Variants in PRKCB observed in about 807,000 individuals in gnomAD.
PRKCB encodes the protein protein kinase C beta.
In PRKCB, 13 loss-of-function variants were observed where a neutral mutation model predicts 81.5. That is an observed-to-expected ratio of 0.16 (90% CI 0.10 to 0.25). The LOEUF is 0.25. PRKCB is among the 10% of genes least tolerant of loss of function. The pLI, the probability that PRKCB is intolerant of heterozygous loss-of-function variation, is 1.00. For synonymous variants in PRKCB, 335 were observed against 321.4 expected (o/e 1.04, Z -0.45); for missense variants, 509 against 875.7 (o/e 0.58, Z 5.29).
chr16:23,947,584 C>T (rs1964219536), intron 2 of PRKCB, among the ~76,000 whole-genome samples: 1 of 152,178 alleles, frequency 6.6e-6, no homozygotes, highest in Non-Finnish European at 1.5e-5. Context: ...CCTGCCAGGC[C>T]ATAAGCAGTA....
intron 16 of PRKCB, among the ~76,000 whole-genome samples, chr16:24,213,439 T>A (rs1185926031): frequency 3.3e-5 from 5 of 152,124 alleles, no homozygotes; most frequent in Non-Finnish European, 5.9e-5. Flanking sequence ...AATTACATAG[T>A]CTCCGTGGTC....
At chr16:24,182,519 T>C (rs1472547320) in intron 13 of PRKCB, among the ~76,000 whole-genome samples, 1 of 152,050 alleles carries the variant, frequency 6.6e-6, no homozygotes, top group African/African-American at 2.4e-5. Flanking sequence ...AGACTCTGTC[T>C]CAAAAAAAGA....
At chr16:24,185,323 A>G in intron 14 of PRKCB, 132 bp downstream of exon 14, 2 of 1,199,042 alleles carry the variant, frequency 1.7e-6, no homozygotes, top group South Asian at 1.4e-5. Context: ...TTGGGGTCAT[A>G]CAAGTCTGTG....
chr16:24,190,040 C>G (rs198144), intron 15 of PRKCB, among the ~76,000 whole-genome samples: 8,954 of 152,168 alleles, frequency 0.059, 259 homozygotes, highest in Middle Eastern at 0.082. Context: ...CAAGAGGAAG[C>G]CTGTCTGGTT....
In PRKCB at chr16:23,940,153, A is replaced by T. The variant is rs572601805; in HGVS notation, c.206-48355A>T. ...CAAATTAAAAGCACAATGAGATATC[A>T]CTACAGATCAAAATGTCAAAAATGA... On this transcript the variant is annotated intron_variant, in intron 2 of 16. Transcript: ENST00000643927. Among the ~76,000 whole-genome samples, 22 of 152,340 alleles carry T rather than the reference A, an allele frequency of 1.4e-4. 1 individual carries two copies. The South Asian group carries it at 4.3e-3, about 30-fold the overall frequency.
intron 5 of PRKCB, among the ~76,000 whole-genome samples, chr16:24,054,650 G>A (rs1965882813): frequency 6.6e-6 from 1 of 152,158 alleles, no homozygotes; most frequent in South Asian, 2.1e-4. Flanking sequence ...CAAACAAAAT[G>A]AGAACTATTC....
At chr16:24,044,129 TG>T (rs1286958228) in intron 5 of PRKCB, among the ~76,000 whole-genome samples, 3 of 151,712 alleles carry the variant, frequency 2.0e-5, no homozygotes, top group Admixed American at 6.6e-5. Context: ...CTGAGGAGGG[TG>T]GATCACTTGA....
At chr16:24,094,916 G>A (rs189052590) in intron 7 of PRKCB, among the ~76,000 whole-genome samples, 3 of 151,958 alleles carry the variant, frequency 2.0e-5, no homozygotes, top group African/African-American at 7.2e-5. Flanking sequence ...CGGAAAGCAG[G>A]AAGGAAGGAA....
rs546477381 is a variant in PRKCB, at chr16:24,060,855, A to G, written c.529+25308A>G. 3.3e-5 allele frequency among the ~76,000 whole-genome samples: 5 copies of G among 152,340 alleles called. No individual in the cohort carries two copies. The South Asian group carries it at 1.0e-3, about 32-fold the overall frequency. ...TCATCCTGCTTCCCCCATTCCTTGC[A>G]GGAGTTCCTCCCAAGGTTATTCCCT... On this transcript the variant is annotated intron_variant, in intron 5 of 16. Coordinates refer to ENST00000643927, the MANE Select transcript of PRKCB (RefSeq NM_002738.7).
chr16:24,191,874 C>T (rs1035483136), intron 16 of PRKCB, among the ~76,000 whole-genome samples: 1 of 152,224 alleles, frequency 6.6e-6, no homozygotes, highest in African/African-American at 2.4e-5. Context: ...CATGTACCAA[C>T]AGGAAGGTTT....
At chr16:24,006,291 A>G (rs943723929) in intron 3 of PRKCB, among the ~76,000 whole-genome samples, 1 of 152,252 alleles carries the variant, frequency 6.6e-6, no homozygotes, top group Non-Finnish European at 1.5e-5. Flanking sequence ...CACTGTCATC[A>G]AATGTCCAAA....
chr16:23,965,614 G>A (rs1964477241), intron 2 of PRKCB, among the ~76,000 whole-genome samples: 1 of 152,242 alleles, frequency 6.6e-6, no homozygotes, highest in Non-Finnish European at 1.5e-5. Flanking sequence ...TAGAGATGAG[G>A]AGACAGCCCT....
intron 2 of PRKCB, among the ~76,000 whole-genome samples, chr16:23,965,140 A>G (rs1224270810): frequency 1.3e-5 from 2 of 151,992 alleles, no homozygotes; most frequent in Non-Finnish European, 2.9e-5. Context: ...GTAGTTTTTG[A>G]TCCTCACCTT....
chr16:24,181,771 CAAAAAA>C (rs71154286), intron 13 of PRKCB, among the ~76,000 whole-genome samples: 1 of 24,564 alleles, frequency 4.1e-5, no homozygotes, highest in Non-Finnish European at 6.6e-5. Context: ...GACCCTGTCT[CAAAAAA>C]AAAAAAAAAA....
chr16:23,843,616 C>T (rs1383985462), intron 2 of PRKCB, among the ~76,000 whole-genome samples: 2 of 151,986 alleles, frequency 1.3e-5, no homozygotes, highest in Admixed American at 6.6e-5. Flanking sequence ...TGTCACTGGG[C>T]AACAGAATGC....
At chr16:24,198,348 T>G (rs1401980832) in intron 16 of PRKCB, among the ~76,000 whole-genome samples, 1 of 152,190 alleles carries the variant, frequency 6.6e-6, no homozygotes, top group African/African-American at 2.4e-5. Flanking sequence ...TAACACCTAA[T>G]GAAGGGCTTA....
At chr16:23,920,470 A>T (rs997650332) in intron 2 of PRKCB, among the ~76,000 whole-genome samples, 6 of 152,256 alleles carry the variant, frequency 3.9e-5, no homozygotes, top group Admixed American at 1.3e-4. Context: ...GCAGGAGTAC[A>T]GTTCTGAAGA....
intron 5 of PRKCB, among the ~76,000 whole-genome samples, chr16:24,044,859 T>C (rs1392608198): frequency 6.6e-6 from 1 of 152,200 alleles, no homozygotes; most frequent in East Asian, 1.9e-4. Context: ...TGCGTAAAAA[T>C]ATATTTAGTA....
intron 3 of PRKCB, among the ~76,000 whole-genome samples, chr16:24,012,411 T>C (rs1462156378): frequency 6.6e-6 from 1 of 152,162 alleles, no homozygotes; most frequent in Non-Finnish European, 1.5e-5. Context: ...GAGCCTGCTC[T>C]TAGCCACCAT....
Sources: allele counts gnomAD v4.1 joint callset (sites outside exome capture counted in the v4.1 genomes callset), GRCh38; gene constraint gnomAD v4.1.1; transcripts MANE v1.5; gene names NCBI Gene and HGNC (gene_info 2026-07-23, HGNC 2026-07-21).